The following ITGBL1 variants were observed in gnomAD, a reference collection of about 807,000 sequenced individuals.
ITGBL1 encodes the protein integrin subunit beta like 1.
A neutral mutation model predicts 68.5 loss-of-function variants in ITGBL1; 51 were observed. The observed-to-expected ratio is 0.74, with a 90% CI of 0.59 to 0.94. ITGBL1 has a LOEUF of 0.94. ITGBL1 is among the 40% of genes least tolerant of loss of function. The pLI is 0.00. For synonymous variants in ITGBL1, 209 were observed against 227.3 expected, an observed-to-expected ratio of 0.92 and a Z score of 0.72; for missense variants, 649 against 647.4, an observed-to-expected ratio of 1.00 and a Z score of -0.03.
chr13:101,567,799 T>C lies in ITGBL1; in HGVS notation c.417T>C (p.Ser139=). The change falls in exon 3 of 11, where the codon AGT becomes AGC. Residue 139 remains serine, a synonymous_variant. Coordinates refer to ENST00000376180, the MANE Select transcript of ITGBL1 (RefSeq NM_004791.3). ...ACTGTGACTTGACAAAGAAGAAAAG[T>C]AACCAAATGTGCAAGAATTCACAAG... is the stretch of plus-strand genomic sequence containing the variant. ...PTNCDLTKKK[S]NQMCKNSQDI... is the part of the protein sequence containing the mutation. The C allele has an allele frequency of 6.2e-7, 1 of 1,613,288 alleles. No individual in the cohort carries two copies. Among genetic ancestry groups the C allele is most frequent in the Non-Finnish European group, 8.5e-7 (1 of 1,179,460 alleles).
At chr13:101,518,886 T>C (rs1386936582) in intron 2 of ITGBL1, among the ~76,000 whole-genome samples, 2 of 152,186 alleles carry the variant, frequency 1.3e-5, no homozygotes. Context: ...AGGAAACTGC[T>C]CAAATCACTT....
At chr13:101,551,725 A>G (rs572954425) in intron 2 of ITGBL1, among the ~76,000 whole-genome samples, 1 of 152,352 alleles carries the variant, frequency 6.6e-6, no homozygotes, top group South Asian at 2.1e-4. Context: ...TTAACTCAGA[A>G]GATTAACATA....
chr13:101,535,823 T>G (rs770629176), intron 2 of ITGBL1, among the ~76,000 whole-genome samples: 2 of 152,134 alleles, frequency 1.3e-5, no homozygotes, highest in Non-Finnish European at 2.9e-5. Flanking sequence ...GAATCTCTTC[T>G]TCATAATCAT....
rs112639149 is a variant in ITGBL1 at position 101,473,585 on chromosome 13, G to A, written c.316+19485G>A. 8.1e-3 allele frequency among the ~76,000 whole-genome samples: 1,241 copies of A among 152,280 alleles called. 25 individuals are homozygous for A. The highest frequency in any genetic ancestry group is 0.028 in the African/African-American group (1,180 of 41,558). ...ACTTGAAAGACAATCTAGACCATAA[G>A]AACTAAGATTTCTGGGCAAGTCCTG... is the stretch of plus-strand genomic sequence containing the variant. On this transcript the variant is annotated intron_variant, in intron 2 of 10. Coordinates refer to ENST00000376180, the MANE Select transcript of ITGBL1 (RefSeq NM_004791.3).
chr13:101,600,467 A>G (rs1225330401), intron 7 of ITGBL1, among the ~76,000 whole-genome samples: 1 of 152,106 alleles, frequency 6.6e-6, no homozygotes, highest in Admixed American at 6.6e-5. Flanking sequence ...AGAACTTCCA[A>G]CACTATGTTG....
At chr13:101,648,167 T>C (rs1292783510) in intron 7 of ITGBL1, among the ~76,000 whole-genome samples, 2 of 152,166 alleles carry the variant, frequency 1.3e-5, no homozygotes, top group Non-Finnish European at 2.9e-5. Context: ...TTCTACAGTG[T>C]CCTACATTCA....
In ITGBL1 at chr13:101,598,145, C is replaced by T. The variant is rs201938169; in HGVS notation, c.869-8C>T. 1.9e-6 allele frequency: 3 copies of T among 1,589,840 alleles called. No individual in the cohort carries two copies. The highest frequency in any genetic ancestry group is 2.6e-6 in the Non-Finnish European group (3 of 1,172,232). On this transcript the variant is annotated splice_polypyrimidine_tract_variant and splice_region_variant and intron_variant, in intron 6 of 10. Coordinates refer to ENST00000376180, the MANE Select transcript of ITGBL1 (RefSeq NM_004791.3). ...ACATTTTTATTTTTTGCCACTCTCACTGTGAAGGTCATGGACAGTGTAATT... is the reference window on the plus strand; with the variant it reads ...ACATTTTTATTTTTTGCCACTCTCATTGTGAAGGTCATGGACAGTGTAATT...
chr13:101,491,998 T>C (rs1167002940), intron 2 of ITGBL1, among the ~76,000 whole-genome samples: 1 of 152,236 alleles, frequency 6.6e-6, no homozygotes, highest in Non-Finnish European at 1.5e-5. Context: ...TTCCATAGTG[T>C]ATATGTGCCA....
chr13:101,694,691 G>A (rs957521209), intron 8 of ITGBL1, among the ~76,000 whole-genome samples: 1 of 152,120 alleles, frequency 6.6e-6, no homozygotes. Context: ...CAAAGAGCTG[G>A]AATTACAGGT....
At chr13:101,542,088 C>T (rs2049716741) in intron 2 of ITGBL1, among the ~76,000 whole-genome samples, 1 of 151,988 alleles carries the variant, frequency 6.6e-6, no homozygotes. Context: ...TATTTCTTGC[C>T]TTCTGCTAGC....
At chr13:101,488,328 A>G (rs1350900338) in intron 2 of ITGBL1, among the ~76,000 whole-genome samples, 1 of 152,196 alleles carries the variant, frequency 6.6e-6, no homozygotes, top group Non-Finnish European at 1.5e-5. Flanking sequence ...TATACATTTA[A>G]CTGACTCTCT....
At chr13:101,546,672 A>G (rs1002856119) in intron 2 of ITGBL1, among the ~76,000 whole-genome samples, 1 of 152,126 alleles carries the variant, frequency 6.6e-6, no homozygotes, top group Non-Finnish European at 1.5e-5. Flanking sequence ...TATATTAAGA[A>G]TGAAACTGTA....
chr13:101,637,415 C>A (rs936151754), intron 7 of ITGBL1, among the ~76,000 whole-genome samples: 3 of 147,708 alleles, frequency 2.0e-5, no homozygotes, highest in Non-Finnish European at 1.5e-5. Context: ...GCGATCTGGG[C>A]TCACTGCAAC....
chr13:101,530,360 T>C (rs1489400106), intron 2 of ITGBL1, among the ~76,000 whole-genome samples: 1 of 152,224 alleles, frequency 6.6e-6, no homozygotes, highest in African/African-American at 2.4e-5. Flanking sequence ...TAGTATCTTA[T>C]AAGTAAGAGT....
Position 101,661,183 on chromosome 13 carries a change from TAACTC to T in ITGBL1, c.1016-31399_1016-31395del, listed in dbSNP as rs1401509118. Among the ~76,000 whole-genome samples the T allele has an allele frequency of 2.6e-5, 4 of 152,128 alleles. No individual in the cohort carries two copies. The East Asian group carries it at 7.7e-4, about 29-fold the overall frequency. On this transcript the variant is annotated intron_variant, in intron 7 of 10. Transcript: ENST00000376180. Reference sequence around the variant, plus strand: ...GACAATATCCAGTCTAAAGTACAGATAACTCAAAGAATATTGTTTTTCCTGACTTT... The same window carrying T: ...GACAATATCCAGTCTAAAGTACAGATAAAGAATATTGTTTTTCCTGACTTT...
chr13:101,713,676 CT>C (rs2034584193), intron 9 of ITGBL1: 1 of 151,938 alleles, frequency 6.6e-6, no homozygotes, highest in African/African-American at 2.4e-5. Context: ...CATTTATTTT[CT>C]TTTATTTTAA....
At chr13:101,532,717 T>C (rs1191037255) in intron 2 of ITGBL1, among the ~76,000 whole-genome samples, 1 of 152,260 alleles carries the variant, frequency 6.6e-6, no homozygotes, top group East Asian at 1.9e-4. Context: ...TAACAACGTT[T>C]TGATAAAATG....
chr13:101,574,500 C>T (rs2050323631), intron 3 of ITGBL1, among the ~76,000 whole-genome samples: 1 of 152,090 alleles, frequency 6.6e-6, no homozygotes, highest in Admixed American at 6.6e-5. Flanking sequence ...GGTTTTTGCT[C>T]ATATAAAACT....
chr13:101,500,451 C>G (rs1215030793), intron 2 of ITGBL1, among the ~76,000 whole-genome samples: 2 of 152,180 alleles, frequency 1.3e-5, no homozygotes, highest in African/African-American at 2.4e-5. Flanking sequence ...TGAATCCTTT[C>G]TTCTCAGGAG....
Sources: allele counts gnomAD v4.1 joint callset (sites outside exome capture counted in the v4.1 genomes callset), GRCh38; gene constraint gnomAD v4.1.1; transcripts MANE v1.5; gene names NCBI Gene and HGNC (gene_info 2026-07-23, HGNC 2026-07-21).